Variants in STARD3 observed in about 807,000 individuals in gnomAD.
The protein encoded by STARD3 is StAR related lipid transfer domain containing 3.
A neutral mutation model predicts 62.0 loss-of-function variants in STARD3; 39 were observed. That is an observed-to-expected ratio of 0.63 (90% CI 0.49 to 0.82). The LOEUF is 0.82. Among genes scored for constraint, STARD3 ranks in the 40% least tolerant of loss-of-function variants. STARD3 has a pLI of 0.00. For missense variants in STARD3, 543 were observed against 584.5 expected, an observed-to-expected ratio of 0.93 and a Z score of 0.73; for synonymous variants, 229 against 242.4, an observed-to-expected ratio of 0.94 and a Z score of 0.51.
chr17:39,647,212 A>G (rs2057034681), intron 1 of STARD3, among the ~76,000 whole-genome samples: 1 of 151,518 alleles, frequency 6.6e-6, no homozygotes, highest in South Asian at 2.1e-4. Flanking sequence ...AAGTTAAAAA[A>G]AAAAAAACCC....
chr17:39,655,816 G>C (rs1381411077), intron 2 of STARD3, among the ~76,000 whole-genome samples: 1 of 152,062 alleles, frequency 6.6e-6, no homozygotes. Context: ...AGGGGGTTTG[G>C]AGCCAGAGAG....
rs2057186125 is a variant in STARD3 at position 39,660,631 on chromosome 17, G to C, written c.954+105G>C. On this transcript the variant is annotated intron_variant, in intron 11 of 14. Transcript: ENST00000336308. The surrounding 1 kb of genome is among the most constrained non-coding windows in gnomAD (Gnocchi z 4.8). ...CCTCAGCTGCCCCATCTGTACAGTG[G>C]GTGTGATGGTAACAGTGCCTGCTCG... The C allele has an allele frequency of 7.1e-7, 1 of 1,406,734 alleles. No individual in the cohort carries two copies. The highest frequency in any genetic ancestry group is 1.4e-5 in the African/African-American group (1 of 70,852). The allele number at this position is 1,406,734 out of a possible 1,614,324, so 87.1% of individuals were successfully genotyped here.
intron 1 of STARD3, among the ~76,000 whole-genome samples, chr17:39,647,642 A>G (rs1313675725): frequency 6.6e-6 from 1 of 152,184 alleles, no homozygotes; most frequent in African/African-American, 2.4e-5. Flanking sequence ...GATGGAGCTC[A>G]AAGGCCTTTC....
intron 8 of STARD3, 135 bp downstream of exon 8, chr17:39,659,241 C>A: frequency 8.3e-7 from 1 of 1,201,664 alleles, no homozygotes; most frequent in Non-Finnish European, 1.2e-6. Flanking sequence ...CGAGTGTCTC[C>A]CCCACCACCA....
At chr17:39,657,658 T>G in intron 3 of STARD3, 117 bp from the exon 4 acceptor site, 1 of 1,042,832 alleles carries the variant, frequency 9.6e-7, no homozygotes, top group Non-Finnish European at 1.5e-6. Context: ...CGTTGTCCCC[T>G]GAGGTGTGCA....
Position 39,662,842 on chromosome 17 carries a change from G to T in STARD3, c.1272G>T (p.Ala424=). ...LPRYLIHQSL[A]ATMFEFAFHL... is the part of the protein sequence containing the mutation. ...GGTACCTCATCCACCAGAGCCTCGC[G>T]GCCACCATGTTTGAATTTGCCTTTC... Residue 424 remains alanine, a synonymous_variant, in exon 15 of 15, where the codon GCG becomes GCT. Transcript: ENST00000336308. 1 of 1,612,178 alleles carries T rather than the reference G, an allele frequency of 6.2e-7. No individual in the cohort carries two copies.
In STARD3 at chr17:39,657,057, A is replaced by G. The variant is rs1259214152; in HGVS notation, c.269A>G (p.Asn90Ser). Residue 90 changes from asparagine (N) to serine (S), a missense_variant, in exon 3 of 15, where the codon AAC (asparagine) becomes AGC (serine). Transcript: ENST00000336308. ...KNLEQEIIQYNFKTSFFDIFV... is the reference protein window; with the variant it reads ...KNLEQEIIQYSFKTSFFDIFV... The stretch of plus-strand genomic sequence containing the variant: ...TTGGAGCAGGAGATCATCCAGTACA[A>G]CTTTAAAACTTCCTTCTTCGACATC... 1 of 1,614,136 alleles carries G rather than the reference A, an allele frequency of 6.2e-7. No homozygotes were observed.
At chr17:39,658,994 C>CCTCCCCACACTCT in intron 7 of STARD3, 57 bp from the exon 8 acceptor site, 1 of 1,607,874 alleles carries the variant, frequency 6.2e-7, no homozygotes, top group Non-Finnish European at 8.5e-7. Flanking sequence ...AACCCCACTA[C>CCTCCCCACACTCT]CTCCCCACAC....
chr17:39,656,917 C>T, intron 2 of STARD3, 91 bp from the exon 3 acceptor site: 3 of 1,308,326 alleles, frequency 2.3e-6, no homozygotes, highest in African/African-American at 1.5e-5. Flanking sequence ...CAGGTTCCTC[C>T]ATCCCCTACC....
chr17:39,663,563 C>T lies in STARD3; in HGVS notation c.*655C>T, dbSNP rs2145062615. 6.6e-6 allele frequency: 1 copy of T among 152,582 alleles called. No homozygotes were observed. Among genetic ancestry groups the T allele is most frequent in the Non-Finnish European group, 1.5e-5 (1 of 68,236 alleles). 9.5% of individuals were successfully genotyped at this position (152,582 alleles called of 1,614,324 possible). ...GCTTGGATGAAGAGGGAAGACCCCT[C>T]ACACAGCCTCTCCTGGGCTCACAGG... On this transcript the variant is annotated 3_prime_UTR_variant, in exon 15 of 15. Transcript: ENST00000336308.
At chr17:39,658,118 T>C in intron 5 of STARD3, 92 bp downstream of exon 5, 3 of 1,385,832 alleles carry the variant, frequency 2.2e-6, no homozygotes, top group Non-Finnish European at 3.0e-6. Flanking sequence ...GGGGTGTCTG[T>C]CCCTGTTGTC....
At chr17:39,652,627 G>C (rs1186937227) in intron 1 of STARD3, 1 of 152,744 alleles carries the variant, frequency 6.5e-6, no homozygotes, top group Admixed American at 6.5e-5. Context: ...GGCAGGACAG[G>C]GCAGCTGTAT....
At position 39,662,291 on chromosome 17, in the gene STARD3, G is replaced by T. The variant is rs1021326686; in HGVS notation, c.1180G>T (p.Ala394Ser). ...GPGGFIVLKSASNPRVCTFVW... is the reference protein window; with the variant it reads ...GPGGFIVLKSSSNPRVCTFVW... Reference sequence around the variant, plus strand: ...TGGGGGCTTCATCGTGCTCAAGTCGGCCAGTAACCCCCGTGTTTGCACCTT... The same window carrying T: ...TGGGGGCTTCATCGTGCTCAAGTCGTCCAGTAACCCCCGTGTTTGCACCTT... Residue 394 changes from alanine to serine, a missense_variant, in exon 14 of 15, where the codon GCC (alanine) becomes TCC (serine). Ala to Ser is a moderately conservative substitution (Grantham distance 99). Transcript: ENST00000336308. 5 of 1,614,012 alleles carry T rather than the reference G, an allele frequency of 3.1e-6. No individual in the cohort carries two copies. The highest frequency in any genetic ancestry group is 3.4e-6 in the Non-Finnish European group (4 of 1,179,982).
chr17:39,659,138 T>G, intron 8 of STARD3, 32 bp downstream of exon 8: 1 of 1,613,592 alleles, frequency 6.2e-7, no homozygotes, highest in South Asian at 1.1e-5. Context: ...ACCCCTGCCC[T>G]TGGAATGGGT....
chr17:39,654,456 C>A (rs1460377290), intron 2 of STARD3, among the ~76,000 whole-genome samples: 2 of 152,212 alleles, frequency 1.3e-5, no homozygotes, highest in African/African-American at 4.8e-5. Context: ...ACAGGAAAAA[C>A]TCCCAGTTCC....
Position 39,637,247 on chromosome 17 carries a change from G to C in STARD3, c.-52+16G>C, listed in dbSNP as rs1035384456. On this transcript the variant is annotated intron_variant, in intron 1 of 14. Transcript: ENST00000336308. ...CATGGAGCAGGTGGGTCCCGGAGCG[G>C]TCGCTGGGAGCGGGTGGCGTGCGAG... The C allele has an allele frequency of 6.6e-6, 1 of 152,346 alleles. No homozygotes were observed. The highest frequency in any genetic ancestry group is 2.4e-5 in the African/African-American group (1 of 41,452). The allele number at this position is 152,346 out of a possible 1,614,324, so 9.4% of individuals were successfully genotyped here.
intron 1 of STARD3, among the ~76,000 whole-genome samples, chr17:39,640,116 C>T (rs1286709521): frequency 6.6e-6 from 1 of 152,214 alleles, no homozygotes; most frequent in Non-Finnish European, 1.5e-5. Flanking sequence ...TTGGAACCCG[C>T]ATGTTGCATT....
intron 1 of STARD3, among the ~76,000 whole-genome samples, chr17:39,638,571 G>A (rs994524302): frequency 6.6e-6 from 1 of 152,074 alleles, no homozygotes; most frequent in Non-Finnish European, 1.5e-5. Context: ...GTTTTTCAGC[G>A]CAGGCAGCGC....
rs779397071 is a variant in STARD3 at position 39,662,917 on chromosome 17, C to T, written c.*9C>T. ...TGGGGGCCCGGGCGTGACTGTGCCC[C>T]CTCCCACCCTGCGGGCCAGGGTCCT... On this transcript the variant is annotated 3_prime_UTR_variant, in exon 15 of 15. Transcript: ENST00000336308. 6.2e-7 allele frequency: 1 copy of T among 1,606,258 alleles called. No individual in the cohort carries two copies. The highest frequency in any genetic ancestry group is 1.1e-5 in the South Asian group (1 of 90,238).
Sources: allele counts gnomAD v4.1 joint callset (sites outside exome capture counted in the v4.1 genomes callset), GRCh38; gene constraint gnomAD v4.1.1; non-coding constraint Gnocchi (gnomAD v3.1); transcripts MANE v1.5; gene names NCBI Gene and HGNC (gene_info 2026-07-23, HGNC 2026-07-21).